Variants in OPCML observed in about 807,000 individuals in gnomAD.
OPCML encodes the protein opioid binding protein/cell adhesion molecule like.
Under a neutral mutation model 37.8 loss-of-function variants are expected in OPCML, and 13 were observed. The ratio of observed to expected loss-of-function variants is 0.34; its 90% CI spans 0.22 to 0.55. The LOEUF is 0.55. Among genes scored for constraint, OPCML ranks in the 20% least tolerant of loss-of-function variants. The pLI is 0.91. For synonymous variants in OPCML, 176 were observed against 168.8 expected, an observed-to-expected ratio of 1.04 and a Z score of -0.33; for missense variants, 341 against 435.6, an observed-to-expected ratio of 0.78 and a Z score of 1.93.
At chr11:133,253,909 C>G (rs1418637962) in intron 1 of OPCML, among the ~76,000 whole-genome samples, 1 of 146,706 alleles carries the variant, frequency 6.8e-6, no homozygotes, top group Non-Finnish European at 1.5e-5. Context: ...CACTCCCTCC[C>G]TTCCTTCTTT....
At chr11:132,554,190 C>A (rs185245392) in intron 3 of OPCML, among the ~76,000 whole-genome samples, 3 of 152,154 alleles carry the variant, frequency 2.0e-5, no homozygotes, top group Admixed American at 2.0e-4. Flanking sequence ...AGGCAAATTC[C>A]GATTTCCTTC....
chr11:133,514,733 T>G (rs1325002566), intron 1 of OPCML, among the ~76,000 whole-genome samples: 1 of 152,212 alleles, frequency 6.6e-6, no homozygotes, highest in Non-Finnish European at 1.5e-5. Context: ...TGATTTTAAA[T>G]ACTGCCTTTT....
chr11:133,036,519 A>G (rs1276348980), intron 1 of OPCML, among the ~76,000 whole-genome samples: 2 of 152,244 alleles, frequency 1.3e-5, no homozygotes, highest in Non-Finnish European at 2.9e-5. Context: ...CAATAGGTCT[A>G]TTAAAGCATA....
intron 2 of OPCML, among the ~76,000 whole-genome samples, chr11:132,917,307 A>G (rs1277566321): frequency 6.6e-6 from 1 of 152,132 alleles, no homozygotes; most frequent in Non-Finnish European, 1.5e-5. Context: ...TTTTTTTATC[A>G]CTGCTGATTT....
chr11:132,725,437 C>T lies in OPCML; in HGVS notation c.147-68118G>A, dbSNP rs143135848. On this transcript the variant is annotated intron_variant, in intron 2 of 7. Coordinates refer to ENST00000524381, the MANE Select transcript of OPCML (RefSeq NM_001012393.5). ...CAGGAAACCACTTTTTCCTCCTAGG[C>T]CTCTGGGACTGTAATGGGAGGGGCT... 2.5e-4 allele frequency among the ~76,000 whole-genome samples: 38 copies of T among 152,254 alleles called. 2 individuals are homozygous for T. The East Asian group carries it at 7.2e-3, about 29-fold the overall frequency.
rs545876338 is a variant in OPCML at position 133,082,241 on chromosome 11, G to C, written c.62-139231C>G. On this transcript the variant is annotated intron_variant, in intron 1 of 7. Coordinates refer to ENST00000524381, the MANE Select transcript of OPCML (RefSeq NM_001012393.5). Reference sequence around the variant, plus strand: ...CGACCCGGGGTCCTGGGCCACTCCGGGAGCCCCTGGAAGCCACCAGCTCCC... The same window carrying C: ...CGACCCGGGGTCCTGGGCCACTCCGCGAGCCCCTGGAAGCCACCAGCTCCC... 9.8e-4 allele frequency among the ~76,000 whole-genome samples: 148 copies of C among 151,748 alleles called. 1 individual carries two copies. The highest frequency in any genetic ancestry group is 3.5e-3 in the African/African-American group (144 of 41,414).
At chr11:132,932,648 A>G (rs994886027) in intron 2 of OPCML, among the ~76,000 whole-genome samples, 1 of 150,582 alleles carries the variant, frequency 6.6e-6, no homozygotes, top group Non-Finnish European at 1.5e-5. Flanking sequence ...TGGGTACCCA[A>G]TAAATGCTGC....
intron 1 of OPCML, among the ~76,000 whole-genome samples, chr11:133,502,388 C>A (rs897376871): frequency 1.3e-5 from 2 of 152,168 alleles, no homozygotes; most frequent in African/African-American, 4.8e-5. Flanking sequence ...ATGCTGTTCT[C>A]GTACACCCCA....
At chr11:133,005,145 T>C (rs779750633) in intron 1 of OPCML, 14 of 985,254 alleles carry the variant, frequency 1.4e-5, no homozygotes, top group Admixed American at 6.2e-5. Flanking sequence ...CCCTGCCTGC[T>C]CCTGCACCAC....
At chr11:132,893,501 A>C (rs1038212670) in intron 2 of OPCML, among the ~76,000 whole-genome samples, 1 of 151,978 alleles carries the variant, frequency 6.6e-6, no homozygotes, top group African/African-American at 2.4e-5. Flanking sequence ...TAGTTCCTCC[A>C]TCTAGTCTAG....
chr11:132,422,926 T>G (rs1164655945), intron 7 of OPCML, among the ~76,000 whole-genome samples: 1 of 152,240 alleles, frequency 6.6e-6, no homozygotes, highest in Non-Finnish European at 1.5e-5. Flanking sequence ...GCACCCTAGC[T>G]GAGTGACGTT....
chr11:132,728,213 G>A (rs1944954578), intron 2 of OPCML, among the ~76,000 whole-genome samples: 2 of 152,196 alleles, frequency 1.3e-5, no homozygotes, highest in African/African-American at 4.8e-5. Flanking sequence ...CCAGGCTCCT[G>A]TAGCCCCAGG....
Position 133,208,141 on chromosome 11 carries a change from T to C in OPCML, c.62-265131A>G, listed in dbSNP as rs1210501889. ...TTGTAATAGCTTATTTAGCTGTTGG[T>C]CTTCCTTACTGTATTATACATTATG... On this transcript the variant is annotated intron_variant, in intron 1 of 7. Coordinates refer to ENST00000524381, the MANE Select transcript of OPCML (RefSeq NM_001012393.5). This position sits in a 1 kb window ranked among gnomAD's most constrained non-coding sequence, Gnocchi z 8.9. 5.9e-5 allele frequency among the ~76,000 whole-genome samples: 9 copies of C among 152,226 alleles called. No homozygotes were observed. The highest frequency in any genetic ancestry group is 2.2e-4 in the African/African-American group (9 of 41,464).
At chr11:133,238,267 C>T (rs1167796938) in intron 1 of OPCML, among the ~76,000 whole-genome samples, 1 of 152,192 alleles carries the variant, frequency 6.6e-6, no homozygotes, top group East Asian at 1.9e-4. Flanking sequence ...AGCCACTCTC[C>T]ATAGGTGGCT....
intron 4 of OPCML, among the ~76,000 whole-genome samples, chr11:132,474,676 C>T (rs1455166314): frequency 6.6e-6 from 1 of 152,178 alleles, no homozygotes; most frequent in Non-Finnish European, 1.5e-5. Context: ...CAGATTGTTG[C>T]TATCCATCAT....
In OPCML at chr11:132,943,437, C is replaced by G. The variant is rs188942292; in HGVS notation, c.62-427G>C. 2.9e-6 allele frequency: 1 copy of G among 346,162 alleles called. No homozygotes were observed. 21.4% of individuals were successfully genotyped at this position (346,162 alleles called of 1,614,324 possible). On this transcript the variant is annotated intron_variant, in intron 1 of 7. Coordinates refer to ENST00000524381, the MANE Select transcript of OPCML (RefSeq NM_001012393.5). This position sits in a 1 kb window ranked among gnomAD's most constrained non-coding sequence, Gnocchi z 4.3. ...ATTGCGCTTTCTCTGCCTCTCTCTT[C>G]GAGACGCTACTTTAAGATTCAGTTG...
At position 132,434,962 on chromosome 11, in the gene OPCML, C is replaced by T. The variant is rs1211625627; in HGVS notation, c.916+1124G>A. ...TCCCCTGAAACACATAAAGCTATTC[C>T]ACAGAGTGCATTTGAAAGCCATCAT... is the stretch of plus-strand genomic sequence containing the variant. On this transcript the variant is annotated intron_variant, in intron 7 of 7. Transcript: ENST00000524381. Among the ~76,000 whole-genome samples the T allele has an allele frequency of 2.6e-5, 4 of 152,262 alleles. No homozygotes were observed. The South Asian group carries it at 8.3e-4, about 32-fold the overall frequency.
At chr11:132,512,415 G>A (rs1395972068) in intron 4 of OPCML, among the ~76,000 whole-genome samples, 1 of 151,908 alleles carries the variant, frequency 6.6e-6, no homozygotes, top group Non-Finnish European at 1.5e-5. Flanking sequence ...CGTGTTTATA[G>A]CAGCTTTACT....
intron 2 of OPCML, among the ~76,000 whole-genome samples, chr11:132,840,420 CT>C (rs1941237636): frequency 6.6e-6 from 1 of 152,170 alleles, no homozygotes; most frequent in South Asian, 2.1e-4. Flanking sequence ...TGGGCCCAGG[CT>C]TGCCAGTTCC....
Sources: allele counts gnomAD v4.1 joint callset (sites outside exome capture counted in the v4.1 genomes callset), GRCh38; gene constraint gnomAD v4.1.1; non-coding constraint Gnocchi (gnomAD v3.1); transcripts MANE v1.5; gene names NCBI Gene and HGNC (gene_info 2026-07-23, HGNC 2026-07-21).